Variants in MB21D2 observed in about 807,000 individuals in gnomAD.
MB21D2 encodes nucleotidyltransferase MB21D2.
In MB21D2, 9 loss-of-function variants were observed where a neutral mutation model predicts 33.3. The observed-to-expected ratio is 0.27, with a 90% CI of 0.16 to 0.47. The LOEUF (loss-of-function observed/expected upper bound fraction) is 0.47, where lower values mean the gene tolerates loss of function less well. Among genes scored for constraint, MB21D2 ranks in the 20% least tolerant of loss-of-function variants. The pLI is 0.99. For missense variants in MB21D2, 540 were observed against 624.6 expected (o/e 0.86, Z 1.44); for synonymous variants, 241 against 236.3 (o/e 1.02, Z -0.18).
At chr3:192,819,415 G>A (rs971306776) in intron 1 of MB21D2, among the ~76,000 whole-genome samples, 1 of 152,142 alleles carries the variant, frequency 6.6e-6, no homozygotes, top group Non-Finnish European at 1.5e-5. Flanking sequence ...GAGAAGCCCT[G>A]TAATTAGTGG....
At chr3:192,802,921 C>T (rs1208737671) in intron 1 of MB21D2, among the ~76,000 whole-genome samples, 1 of 152,192 alleles carries the variant, frequency 6.6e-6, no homozygotes, top group Non-Finnish European at 1.5e-5. Context: ...TGAGTACACA[C>T]TGTTGTCTCC....
chr3:192,843,919 C>T (rs143180689), intron 1 of MB21D2, among the ~76,000 whole-genome samples: 1 of 152,162 alleles, frequency 6.6e-6, no homozygotes, highest in Admixed American at 6.5e-5. Flanking sequence ...GAAACGTATG[C>T]TCCGTTTGTA....
intron 1 of MB21D2, among the ~76,000 whole-genome samples, chr3:192,849,750 T>A (rs1470988642): frequency 6.6e-6 from 1 of 152,240 alleles, no homozygotes; most frequent in African/African-American, 2.4e-5. Context: ...TGCTTATTAT[T>A]CTGTTTGCCC....
intron 1 of MB21D2, among the ~76,000 whole-genome samples, chr3:192,909,280 AAAT>A (rs1714287816): frequency 6.6e-6 from 1 of 151,688 alleles, no homozygotes; most frequent in East Asian, 1.9e-4. Flanking sequence ...AAAAATAAAA[AAAT>A]AATAATAAAT....
rs371324905 is a variant in MB21D2, at chr3:192,798,430, C to T, written c.1432G>A (p.Asp478Asn). 3.7e-6 allele frequency: 6 copies of T among 1,614,170 alleles called. No individual in the cohort carries two copies. Among genetic ancestry groups the T allele is most frequent in the South Asian group, 1.1e-5 (1 of 91,078 alleles). ...ATTCTGAAATGGGGCCTTGTGACAT[C>T]GTCAGGATTGATAAAGACAGAGATT... ...KSISVFINPD[D>N]VTRPHFRIDD... The change falls in exon 2 of 2, where the codon GAT (aspartate) becomes AAT (asparagine). Residue 478 changes from aspartate to asparagine, a missense_variant. Physicochemically the swap from Asp to Asn is conservative, Grantham distance 23. Coordinates refer to ENST00000392452, the MANE Select transcript of MB21D2 (RefSeq NM_178496.4). This position sits in a 1 kb window ranked among gnomAD's most constrained non-coding sequence, Gnocchi z 4.8.
rs1359410629 is a variant in MB21D2 at position 192,860,846 on chromosome 3, G to A, written c.211+56784C>T. On this transcript the variant is annotated intron_variant, in intron 1 of 1. Transcript: ENST00000392452. ...ACCCAATCAGTATTTTAGTGAGAAA[G>A]GTTTTAAATACCAATTCTGTGTATT... Among the ~76,000 whole-genome samples, 8 of 152,276 alleles carry A rather than the reference G, an allele frequency of 5.3e-5. No individual in the cohort carries two copies. In the East Asian group the frequency reaches 1.5e-3, roughly 29 times the overall value.
intron 1 of MB21D2, among the ~76,000 whole-genome samples, chr3:192,899,821 G>GTGTGTGGCAGTGTGGCTGACTGAGCTCA (rs1714055023): frequency 6.6e-6 from 1 of 150,446 alleles, no homozygotes; most frequent in Non-Finnish European, 1.5e-5. Context: ...TGGGCACCTC[G>GTGTGTGGCAGTGTGGCTGACTGAGCTCA]TGTGTGGTAG....
At chr3:192,813,530 T>C (rs1711837469) in intron 1 of MB21D2, among the ~76,000 whole-genome samples, 1 of 152,042 alleles carries the variant, frequency 6.6e-6, no homozygotes, top group Non-Finnish European at 1.5e-5. Flanking sequence ...AAACAATATA[T>C]ATATTGTATG....
chr3:192,801,149 GTAGA>G (rs1167483080), intron 1 of MB21D2, among the ~76,000 whole-genome samples: 1 of 152,140 alleles, frequency 6.6e-6, no homozygotes, highest in Non-Finnish European at 1.5e-5. Flanking sequence ...AAATTAATAG[GTAGA>G]TAGCATTAAT....
At chr3:192,805,273 C>A (rs1052645342) in intron 1 of MB21D2, among the ~76,000 whole-genome samples, 10 of 152,264 alleles carry the variant, frequency 6.6e-5, no homozygotes, top group Admixed American at 2.6e-4. Flanking sequence ...GAAGAATGGG[C>A]CTGGTCTGCC....
At chr3:192,876,748 T>C (rs73201158) in intron 1 of MB21D2, among the ~76,000 whole-genome samples, 7,095 of 152,236 alleles carry the variant, frequency 0.047, 193 homozygotes, top group African/African-American at 0.063. Flanking sequence ...TTGAACATAA[T>C]ATGTTCTCTG....
chr3:192,809,865 A>G (rs1012120272), intron 1 of MB21D2, among the ~76,000 whole-genome samples: 4 of 152,360 alleles, frequency 2.6e-5, no homozygotes, highest in African/African-American at 9.6e-5. Context: ...AGAACATTCC[A>G]CAAGTGTTTT....
chr3:192,831,069 G>A (rs961542064), intron 1 of MB21D2, among the ~76,000 whole-genome samples: 1 of 152,174 alleles, frequency 6.6e-6, no homozygotes, highest in Admixed American at 6.5e-5. Context: ...TGGTCTGTGT[G>A]GCAAATCAAA....
intron 1 of MB21D2, among the ~76,000 whole-genome samples, chr3:192,847,061 T>A (rs1362748613): frequency 6.6e-6 from 1 of 152,184 alleles, no homozygotes; most frequent in Non-Finnish European, 1.5e-5. Flanking sequence ...GGCTCTGGAA[T>A]ACCTTGGAAA....
intron 1 of MB21D2, among the ~76,000 whole-genome samples, chr3:192,907,042 C>T (rs968441816): frequency 6.6e-6 from 1 of 152,214 alleles, no homozygotes; most frequent in African/African-American, 2.4e-5. Context: ...CATAGCAGCA[C>T]TATCCCTAGT....
At chr3:192,915,778 T>C (rs1714450856) in intron 1 of MB21D2, among the ~76,000 whole-genome samples, 1 of 152,190 alleles carries the variant, frequency 6.6e-6, no homozygotes, top group Non-Finnish European at 1.5e-5. Context: ...CAGAAGTTCC[T>C]CATGAGCCAG....
At position 192,798,360 on chromosome 3, in the gene MB21D2, C is replaced by T; in HGVS notation, c.*26G>A. On this transcript the variant is annotated 3_prime_UTR_variant, in exon 2 of 2. Transcript: ENST00000392452. This position sits in a 1 kb window ranked among gnomAD's most constrained non-coding sequence, Gnocchi z 4.8. The stretch of plus-strand genomic sequence containing the variant: ...CGACACATTATCAGAGTTTAAGAAT[C>T]AGGAAAAAAAAAAGTCAGCTAACAC... 1 of 1,605,368 alleles carries T rather than the reference C, an allele frequency of 6.2e-7. No homozygotes were observed. Among genetic ancestry groups the T allele is most frequent in the Non-Finnish European group, 8.5e-7 (1 of 1,174,654 alleles).
intron 1 of MB21D2, among the ~76,000 whole-genome samples, chr3:192,840,905 T>C (rs569455703): frequency 6.6e-6 from 1 of 152,322 alleles, no homozygotes; most frequent in South Asian, 2.1e-4. Flanking sequence ...ACACCAAAGC[T>C]TATAGACAAG....
intron 1 of MB21D2, among the ~76,000 whole-genome samples, chr3:192,878,103 G>GTTTTT (rs1296544101): frequency 7.7e-4 from 103 of 134,206 alleles, no homozygotes; most frequent in Middle Eastern, 4.1e-3. Flanking sequence ...TTTTTTTTTG[G>GTTTTT]TTTTTTTTGT....
Sources: gnomAD v4.1 joint callset for allele counts (sites outside exome capture counted in the v4.1 genomes callset) on GRCh38, gnomAD v4.1.1 for gene constraint, Gnocchi (gnomAD v3.1) non-coding constraint, MANE v1.5 for transcripts, NCBI Gene and HGNC (gene_info 2026-07-23, HGNC 2026-07-21) for gene names.